KDM4B: variants seen among roughly 807,000 people sequenced by gnomAD.
The protein encoded by KDM4B is lysine-specific demethylase 4B.
A neutral mutation model predicts 125.2 loss-of-function variants in KDM4B; 32 were observed. The observed-to-expected ratio is 0.26, with a 90% confidence interval of 0.19 to 0.34. The LOEUF (loss-of-function observed/expected upper bound fraction) is 0.34, where lower values mean the gene tolerates loss of function less well. Among genes scored for constraint, KDM4B ranks in the 10% least tolerant of loss-of-function variants. The probability of loss-of-function intolerance (pLI) is 1.00; values close to 1 mark genes in which losing one functional copy is unlikely to be tolerated. For synonymous variants in KDM4B, 721 were observed against 677.9 expected (o/e 1.06, Z -0.99); for missense variants, 1,190 against 1,577.7 (o/e 0.75, Z 4.16).
At chr19:5,047,423 G>T in intron 5 of KDM4B, 53 bp from the exon 6 acceptor site, 1 of 1,518,744 alleles carries the variant, frequency 6.6e-7, no homozygotes, top group Non-Finnish European at 8.9e-7. Flanking sequence ...CCCAGGGCTC[G>T]CAGGTTCTGG....
chr19:5,009,648 C>T (rs1457988333), intron 1 of KDM4B, among the ~76,000 whole-genome samples: 1 of 152,222 alleles, frequency 6.6e-6, no homozygotes, highest in Non-Finnish European at 1.5e-5. Flanking sequence ...ACCTTTCACT[C>T]AGCCCCTAAT....
At chr19:5,039,809 C>A in intron 3 of KDM4B, 27 bp from the exon 4 acceptor site, 2 of 1,605,504 alleles carry the variant, frequency 1.2e-6, no homozygotes, top group African/African-American at 1.3e-5. Context: ...TCTGAGGGTG[C>A]CACTGACTCC....
chr19:5,057,195 G>A (rs905923883), intron 6 of KDM4B, among the ~76,000 whole-genome samples: 1 of 152,112 alleles, frequency 6.6e-6, no homozygotes, highest in African/African-American at 2.4e-5. Context: ...GCTTCCTCCC[G>A]GCTCTGCTGG....
At chr19:5,112,684 C>A (rs1374424511) in intron 10 of KDM4B, 1 of 152,394 alleles carries the variant, frequency 6.6e-6, no homozygotes, top group East Asian at 1.9e-4. Flanking sequence ...TCGGCCTCCT[C>A]TGTCTTCCCC....
At chr19:5,065,761 C>A (rs1049224988) in intron 6 of KDM4B, among the ~76,000 whole-genome samples, 1 of 152,226 alleles carries the variant, frequency 6.6e-6, no homozygotes, top group Non-Finnish European at 1.5e-5. Flanking sequence ...GAGCTGCCCG[C>A]CATCCATCCC....
intron 22 of KDM4B, 54 bp downstream of exon 22, chr19:5,150,504 G>GCCCTGCCTCGTCCCA: frequency 1.5e-6 from 2 of 1,298,164 alleles, no homozygotes; most frequent in Non-Finnish European, 2.2e-6. Flanking sequence ...AGCCCGTCTG[G>GCCCTGCCTCGTCCCA]GACGAGGCAG....
intron 9 of KDM4B, among the ~76,000 whole-genome samples, chr19:5,099,045 G>A (rs539910476): frequency 6.0e-4 from 92 of 152,300 alleles, no homozygotes; most frequent in Non-Finnish European, 1.1e-3. Flanking sequence ...TTTCCTTTTG[G>A]CAGAGATACT....
rs991716026 is a variant in KDM4B, at chr19:5,130,977, C to T, written c.1316-99C>T. The stretch of plus-strand genomic sequence containing the variant: ...GTGGCCTCTCTGGGTGGAAGGAGCC[C>T]TCGACCATCCCAGTCAAAGTTGGGG... On this transcript the variant is annotated intron_variant, in intron 11 of 22. Transcript: ENST00000159111. The T allele has an allele frequency of 7.5e-6, 7 of 934,000 alleles. No individual in the cohort carries two copies. In the East Asian group the frequency reaches 8.0e-5, roughly 11 times the overall value. 57.9% of individuals were successfully genotyped at this position (934,000 alleles called of 1,614,324 possible). A position where few individuals can be genotyped will look rare whatever the true frequency, so the allele number is the denominator to read the frequency against.
chr19:4,996,566 C>T (rs544050330), intron 1 of KDM4B, among the ~76,000 whole-genome samples: 22 of 151,042 alleles, frequency 1.5e-4, no homozygotes, highest in South Asian at 1.3e-3. Context: ...AGTAGTGACG[C>T]GGTCTCGCCA....
At chr19:5,053,093 C>T (rs548650121) in intron 6 of KDM4B, among the ~76,000 whole-genome samples, 1 of 152,234 alleles carries the variant, frequency 6.6e-6, no homozygotes, top group Non-Finnish European at 1.5e-5. Flanking sequence ...ATGGAAATTG[C>T]CTGGAGCCTG....
chr19:5,131,249 A>G lies in KDM4B; in HGVS notation c.1489A>G (p.Met497Val). 6.2e-7 allele frequency: 1 copy of G among 1,609,258 alleles called. No individual in the cohort carries two copies. The highest frequency in any genetic ancestry group is 8.5e-7 in the Non-Finnish European group (1 of 1,178,222). The change falls in exon 12 of 23, where the codon ATG becomes GTG. Residue 497 changes from methionine to valine, a missense_variant. Met to Val is a conservative substitution (Grantham distance 21, BLOSUM62 1). Transcript: ENST00000159111. Reference sequence around the variant, plus strand: ...GGTGCTGGGCCCAGGCCCTGCAGCCATGGAGGAGAGCCCCCTGCCGGCACC... The same window carrying G: ...GGTGCTGGGCCCAGGCCCTGCAGCCGTGGAGGAGAGCCCCCTGCCGGCACC... Reference protein sequence around the residue: ...PPVLGPGPAAMEESPLPAPLN... With the variant: ...PPVLGPGPAAVEESPLPAPLN...
rs138191689 is a variant in KDM4B at position 5,072,745 on chromosome 19, C to T, written c.676+1686C>T. Among the ~76,000 whole-genome samples, 872 of 152,318 alleles carry T rather than the reference C, an allele frequency of 5.7e-3. 9 individuals carry two copies. The highest frequency in any genetic ancestry group is 0.02 in the African/African-American group (823 of 41,564). On this transcript the variant is annotated intron_variant, in intron 7 of 22. Transcript: ENST00000159111. ...AAACAACACACGTTTATTCTCTCAC[C>T]GTTCTGGAGGTCAGGAGTCTAAAAT... is the stretch of plus-strand genomic sequence containing the variant.
intron 11 of KDM4B, among the ~76,000 whole-genome samples, chr19:5,121,064 C>T (rs1466756823): frequency 1.3e-5 from 2 of 152,198 alleles, no homozygotes; most frequent in Non-Finnish European, 2.9e-5. Context: ...AGGTCCCTCC[C>T]ACCTGCCAGG....
intron 2 of KDM4B, among the ~76,000 whole-genome samples, chr19:5,024,561 C>T (rs2036221611): frequency 6.6e-6 from 1 of 151,952 alleles, no homozygotes; most frequent in Non-Finnish European, 1.5e-5. Context: ...GATGCAGCTG[C>T]TGGTCCCATG....
At chr19:5,095,150 A>C (rs574676323) in intron 9 of KDM4B, among the ~76,000 whole-genome samples, 11 of 152,258 alleles carry the variant, frequency 7.2e-5, no homozygotes, top group Middle Eastern at 3.4e-3. Context: ...CCAGCCATGC[A>C]ATGTCTGTCA....
At chr19:5,077,540 A>T in intron 8 of KDM4B, 70 bp downstream of exon 8, 2 of 1,284,102 alleles carry the variant, frequency 1.6e-6, no homozygotes, top group South Asian at 2.4e-5. Context: ...GTGGCCGCAC[A>T]TACCCCAGGA....
chr19:4,975,180 A>C (rs2034402563), intron 1 of KDM4B, among the ~76,000 whole-genome samples: 1 of 152,064 alleles, frequency 6.6e-6, no homozygotes, highest in African/African-American at 2.4e-5. Flanking sequence ...CCGGAGAATA[A>C]ATATTTTTGG....
At chr19:5,070,269 G>A (rs2037904375) in intron 6 of KDM4B, among the ~76,000 whole-genome samples, 1 of 152,114 alleles carries the variant, frequency 6.6e-6, no homozygotes, top group African/African-American at 2.4e-5. Context: ...GGGGCTTCTC[G>A]CTCCCCCTCA....
intron 1 of KDM4B, among the ~76,000 whole-genome samples, chr19:5,014,820 C>A (rs1343603168): frequency 6.6e-6 from 1 of 151,772 alleles, no homozygotes; most frequent in South Asian, 2.1e-4. Context: ...ATGGTGAAAC[C>A]CCGTCTCTAC....
Sources: gnomAD v4.1 joint callset for allele counts (sites outside exome capture counted in the v4.1 genomes callset) on GRCh38, gnomAD v4.1.1 for gene constraint, MANE v1.5 for transcripts, NCBI Gene and HGNC (gene_info 2026-07-23, HGNC 2026-07-21) for gene names.